The following NUBP2 variants were observed in gnomAD, a reference collection of about 807,000 sequenced individuals.
NUBP2 encodes NUBP iron-sulfur cluster assembly factor 2, cytosolic.
Under a neutral mutation model 24.9 loss-of-function variants are expected in NUBP2, and 23 were observed. The ratio of observed to expected loss-of-function variants is 0.92; its 90% CI spans 0.66 to 1.31. The LOEUF is 1.31. Ranked by LOEUF, NUBP2 falls within the 50% of genes most tolerant of loss-of-function variation. The pLI, the probability that NUBP2 is intolerant of heterozygous loss-of-function variation, is 0.00. For synonymous variants in NUBP2, 186 were observed against 170.9 expected (o/e 1.09, Z -0.69); for missense variants, 403 against 386.5 (o/e 1.04, Z -0.36).
chr16:1,787,162 A>G, intron 3 of NUBP2: 2 of 516,222 alleles, frequency 3.9e-6, no homozygotes, highest in South Asian at 6.9e-5. Context: ...TCCCGGTCAG[A>G]GGGAGTGGGG....
intron 2 of NUBP2, 32 bp downstream of exon 2, chr16:1,786,687 C>T (rs1480255161): frequency 6.2e-7 from 1 of 1,611,956 alleles, no homozygotes; most frequent in Non-Finnish European, 8.5e-7. Context: ...GGGCGGAGCC[C>T]CGGGCAGCTG....
intron 1 of NUBP2, chr16:1,783,928 C>T (rs887387224): frequency 8.6e-6 from 5 of 584,622 alleles, no homozygotes; most frequent in Middle Eastern, 8.6e-4. Flanking sequence ...CTCCTGACCT[C>T]GTGATCCGCC....
intron 1 of NUBP2, chr16:1,785,613 G>C (rs184357449): frequency 7.8e-7 from 1 of 1,282,622 alleles, no homozygotes; most frequent in African/African-American, 1.5e-5. Context: ...CCGGGAGGCC[G>C]TGGTCTCGGG....
At chr16:1,786,229 C>T (rs574876961) in intron 1 of NUBP2, 165 of 407,290 alleles carry the variant, frequency 4.1e-4, no homozygotes, top group African/African-American at 2.9e-3. Context: ...TTTGCACACG[C>T]GCACGAAGGA....
intron 2 of NUBP2, 39 bp downstream of exon 2, chr16:1,786,694 G>A (rs1419379615): frequency 6.2e-7 from 1 of 1,612,022 alleles, no homozygotes. Flanking sequence ...GCCCCGGGCA[G>A]CTGCCCGCAT....
At chr16:1,783,733 G>C (rs1242817365) in intron 1 of NUBP2, 1 of 172,604 alleles carries the variant, frequency 5.8e-6, no homozygotes, top group East Asian at 1.9e-4. Flanking sequence ...TCGTTCTGTC[G>C]CCCAGGCTGG....
At chr16:1,788,355 T>C (rs1897090483) in intron 6 of NUBP2, 148 bp downstream of exon 6, 2 of 1,087,940 alleles carry the variant, frequency 1.8e-6, no homozygotes, top group Non-Finnish European at 2.5e-6. Context: ...GCCATGCCGC[T>C]GAGACCTGCA....
At chr16:1,784,959 C>T (rs1567234169) in intron 1 of NUBP2, 2 of 367,646 alleles carry the variant, frequency 5.4e-6, no homozygotes, top group South Asian at 1.1e-4. Context: ...GGCTGAGGCA[C>T]GAGAATTGCT....
rs766776562 is a variant in NUBP2, at chr16:1,787,691, T to C, written c.349T>C (p.Phe117Leu). 3.1e-6 allele frequency: 5 copies of C among 1,612,438 alleles called. No individual in the cohort carries two copies. The highest frequency in any genetic ancestry group is 1.1e-5 in the South Asian group (1 of 91,092). ...CGTCTTTGCAGCGCTGATAAAGCAGTTTGTGTCCGACGTGGCCTGGGGGGA... is the reference window on the plus strand; with the variant it reads ...CGTCTTTGCAGCGCTGATAAAGCAGCTTGTGTCCGACGTGGCCTGGGGGGA... ...GPKKNALIKQ[F>L]VSDVAWGELD... The change falls in exon 4 of 7, where the codon TTT (phenylalanine) becomes CTT (leucine). Residue 117 changes from phenylalanine to leucine, a missense_variant. Transcript: ENST00000262302.
intron 1 of NUBP2, chr16:1,785,611 C>A: frequency 7.8e-7 from 1 of 1,282,466 alleles, no homozygotes; most frequent in Non-Finnish European, 1.0e-6. Context: ...GACCGGGAGG[C>A]CGTGGTCTCG....
chr16:1,786,228 G>A lies in NUBP2; in HGVS notation c.17-309G>A, dbSNP rs898077744. On this transcript the variant is annotated intron_variant, in intron 1 of 6. Coordinates refer to ENST00000262302, the MANE Select transcript of NUBP2 (RefSeq NM_012225.4). ...GTGACCCACGTGTGTGTTTGCACAC[G>A]CGCACGAAGGAACGCATGCACCCTT... 22 of 406,588 alleles carry A rather than the reference G, an allele frequency of 5.4e-5. 1 individual carries two copies. The Admixed American group carries it at 8.5e-4, about 16-fold the overall frequency. The allele number at this position is 406,588 out of a possible 1,614,324, so 25.2% of individuals were successfully genotyped here.
intron 2 of NUBP2, 33 bp downstream of exon 2, chr16:1,786,688 C>G (rs199502456): frequency 6.2e-7 from 1 of 1,612,054 alleles, no homozygotes; most frequent in Non-Finnish European, 8.5e-7. Flanking sequence ...GGCGGAGCCC[C>G]GGGCAGCTGC....
rs1897004870 is a variant in NUBP2 at position 1,786,973 on chromosome 16, C to CG, written c.334+19dup. 3 of 1,504,034 alleles carry CG rather than the reference C, an allele frequency of 2.0e-6. No individual in the cohort carries two copies. Among genetic ancestry groups the CG allele is most frequent in the Non-Finnish European group, 2.7e-6 (3 of 1,126,274 alleles). 93.2% of individuals were successfully genotyped at this position (1,504,034 alleles called of 1,614,324 possible). On this transcript the variant is annotated intron_variant, in intron 3 of 6. Coordinates refer to ENST00000262302, the MANE Select transcript of NUBP2 (RefSeq NM_012225.4). Reference sequence around the variant, plus strand: ...GAAAAACGGTAACGGCCGGGCGGCGCGTCCGCCGTCCTGGTGAAGGGGGTT... The same window carrying CG: ...GAAAAACGGTAACGGCCGGGCGGCGCGGTCCGCCGTCCTGGTGAAGGGGGTT...
chr16:1,788,761 T>A lies in NUBP2; in HGVS notation c.*47T>A. On this transcript the variant is annotated 3_prime_UTR_variant, in exon 7 of 7. Coordinates refer to ENST00000262302, the MANE Select transcript of NUBP2 (RefSeq NM_012225.4). Reference sequence around the variant, plus strand: ...TTTCCAGGGCCACCAAGGGCTCTGCTCCAGCCTCTCAGAGAAACAGAGGCC... The same window carrying A: ...TTTCCAGGGCCACCAAGGGCTCTGCACCAGCCTCTCAGAGAAACAGAGGCC... The A allele has an allele frequency of 6.4e-7, 1 of 1,567,258 alleles. No individual in the cohort carries two copies.
At chr16:1,785,083 T>C in intron 1 of NUBP2, 1 of 985,550 alleles carries the variant, frequency 1.0e-6, no homozygotes, top group East Asian at 1.1e-4. Flanking sequence ...TGTAAAAATA[T>C]ATTTGTCCAC....
intron 5 of NUBP2, 23 bp from the exon 6 acceptor site, chr16:1,788,115 C>A (rs769592899): frequency 6.4e-7 from 1 of 1,554,520 alleles, no homozygotes; most frequent in African/African-American, 1.4e-5. Context: ...TTGGGCAGTG[C>A]TGGGCTCACC....
chr16:1,783,575 T>C (rs1896822953), intron 1 of NUBP2: 1 of 847,466 alleles, frequency 1.2e-6, no homozygotes. Context: ...CCGTGGGCCC[T>C]CCTGAGTAGT....
At chr16:1,784,022 G>A (rs901145376) in intron 1 of NUBP2, 12 of 985,066 alleles carry the variant, frequency 1.2e-5, no homozygotes, top group Admixed American at 6.2e-5. Context: ...CAGAGGAGAA[G>A]CCTGGAAAAG....
intron 1 of NUBP2, chr16:1,785,962 G>A (rs1896946297): frequency 8.2e-7 from 1 of 1,216,020 alleles, no homozygotes; most frequent in African/African-American, 1.6e-5. Context: ...CGTGTGGCAG[G>A]GACAGGATGG....
Sources: allele counts gnomAD v4.1 joint callset, GRCh38; gene constraint gnomAD v4.1.1; transcripts MANE v1.5; gene names NCBI Gene and HGNC (gene_info 2026-07-23, HGNC 2026-07-21).